Variants in TTLL11 observed in about 807,000 individuals in gnomAD.
TTLL11 encodes the protein tubulin tyrosine ligase like 11.
In TTLL11, 42 loss-of-function variants were observed where a neutral mutation model predicts 51.7. The ratio of observed to expected loss-of-function variants is 0.81; its 90% CI spans 0.64 to 1.05. TTLL11 has a LOEUF of 1.05. TTLL11 is among the 50% of genes least tolerant of loss of function. TTLL11 has a pLI of 0.00. For synonymous variants in TTLL11, 381 were observed against 383.5 expected, an observed-to-expected ratio of 0.99 and a Z score of 0.08; for missense variants, 799 against 940.4, an observed-to-expected ratio of 0.85 and a Z score of 1.97.
At chr9:121,942,738 A>ATTTT (rs34352222) in intron 6 of TTLL11, among the ~76,000 whole-genome samples, 20 of 97,874 alleles carry the variant, frequency 2.0e-4, no homozygotes, top group South Asian at 3.6e-4. Context: ...AATCTGTCTT[A>ATTTT]TTTTTTTTTT....
intron 6 of TTLL11, among the ~76,000 whole-genome samples, chr9:121,956,419 T>C (rs564934524): frequency 3.9e-5 from 6 of 152,388 alleles, no homozygotes; most frequent in Admixed American, 1.3e-4. Context: ...ATTTAAAAAG[T>C]GGCTCTGTTT....
At chr9:122,047,171 A>G (rs1295778919) in intron 1 of TTLL11, among the ~76,000 whole-genome samples, 2 of 152,200 alleles carry the variant, frequency 1.3e-5, no homozygotes, top group Non-Finnish European at 2.9e-5. Context: ...AGAAGTTTCC[A>G]GCATATGCCT....
Position 121,978,449 on chromosome 9 carries a change from CTTTATTTATTTATTTA to C in TTLL11, c.1270-3486_1270-3471del, listed in dbSNP as rs143223546. 3.7e-3 allele frequency among the ~76,000 whole-genome samples: 554 copies of C among 148,346 alleles called. 1 individual carries two copies. The highest frequency in any genetic ancestry group is 6.6e-3 in the South Asian group (30 of 4,518). Reference sequence around the variant, plus strand: ...TAAACTGGGGTTCCCAAGGAAAAAGCTTTATTTATTTATTTATTTATTTATTTATTTATTTATTTAT... The same window carrying C: ...TAAACTGGGGTTCCCAAGGAAAAAGCTTTATTTATTTATTTATTTATTTAT... On this transcript the variant is annotated intron_variant, in intron 4 of 8. Coordinates refer to ENST00000321582, the MANE Select transcript of TTLL11 (RefSeq NM_001139442.2).
At chr9:122,032,782 T>G (rs1234405898) in intron 2 of TTLL11, among the ~76,000 whole-genome samples, 1 of 151,272 alleles carries the variant, frequency 6.6e-6, no homozygotes, top group Non-Finnish European at 1.5e-5. Flanking sequence ...TTTTAGCATG[T>G]TTATTTCATT....
At chr9:121,874,501 G>T (rs1838490419) in intron 6 of TTLL11, among the ~76,000 whole-genome samples, 1 of 152,104 alleles carries the variant, frequency 6.6e-6, no homozygotes, top group Non-Finnish European at 1.5e-5. Context: ...TTAACATTTT[G>T]ATTTCTTATC....
rs1843228262 is a variant in TTLL11 at position 121,995,529 on chromosome 9, A to G, written c.694-5759T>C. On this transcript the variant is annotated intron_variant, in intron 3 of 8. Coordinates refer to ENST00000321582, the MANE Select transcript of TTLL11 (RefSeq NM_001139442.2). This position sits in a 1 kb window ranked among gnomAD's most constrained non-coding sequence, Gnocchi z 4.4. Reference sequence around the variant, plus strand: ...AGAGGAAAGGGTCATGGGTGAGCTCACGGTTTGGGACTTCAGCAATTTTGG... The same window carrying G: ...AGAGGAAAGGGTCATGGGTGAGCTCGCGGTTTGGGACTTCAGCAATTTTGG... 6.6e-6 allele frequency among the ~76,000 whole-genome samples: 1 copy of G among 152,152 alleles called. No individual in the cohort carries two copies. The highest frequency in any genetic ancestry group is 1.5e-5 in the Non-Finnish European group (1 of 68,018).
At chr9:121,991,763 T>C (rs1843121291) in intron 3 of TTLL11, among the ~76,000 whole-genome samples, 1 of 152,172 alleles carries the variant, frequency 6.6e-6, no homozygotes, top group African/African-American at 2.4e-5. Flanking sequence ...GCCATACAAA[T>C]CAAGATTATT....
intron 1 of TTLL11, among the ~76,000 whole-genome samples, chr9:122,062,734 G>T (rs1845470358): frequency 6.6e-6 from 1 of 151,738 alleles, no homozygotes; most frequent in Non-Finnish European, 1.5e-5. Flanking sequence ...CTCCCAAAGT[G>T]CTGGGATTAC....
intron 1 of TTLL11, among the ~76,000 whole-genome samples, chr9:122,048,597 C>T (rs1308458980): frequency 6.6e-6 from 1 of 152,248 alleles, no homozygotes. Context: ...TTCACAGACT[C>T]CCCTCTGCCA....
At position 122,072,464 on chromosome 9, in the gene TTLL11, T is replaced by C. The variant is rs536300627; in HGVS notation, c.462+20223A>G. On this transcript the variant is annotated intron_variant, in intron 1 of 8. Transcript: ENST00000321582. ...TTCGAGACCAGCCTGGTCAACATGG[T>C]GAAACCTCGTCTCTACTAAAAATAC... Among the ~76,000 whole-genome samples, 9 of 152,086 alleles carry C rather than the reference T, an allele frequency of 5.9e-5. No individual in the cohort carries two copies. In the East Asian group the frequency reaches 1.7e-3, roughly 29 times the overall value.
chr9:121,929,809 C>A (rs959228783), intron 6 of TTLL11, among the ~76,000 whole-genome samples: 2 of 152,210 alleles, frequency 1.3e-5, no homozygotes, highest in African/African-American at 4.8e-5. Flanking sequence ...CCCAGACAGG[C>A]CACTTTGCTC....
chr9:122,000,769 T>C (rs1189547118), intron 3 of TTLL11, among the ~76,000 whole-genome samples: 1 of 152,204 alleles, frequency 6.6e-6, no homozygotes, highest in Non-Finnish European at 1.5e-5. Flanking sequence ...GCCATTCTTT[T>C]ATTTGTCTAC....
intron 6 of TTLL11, among the ~76,000 whole-genome samples, chr9:121,961,774 G>A (rs974259912): frequency 2.6e-5 from 4 of 152,204 alleles, no homozygotes; most frequent in Admixed American, 6.5e-5. Context: ...GAGAAAAATA[G>A]GCCAGGTGCC....
At chr9:121,896,545 G>T (rs1305467330) in intron 6 of TTLL11, among the ~76,000 whole-genome samples, 1 of 152,164 alleles carries the variant, frequency 6.6e-6, no homozygotes, top group Non-Finnish European at 1.5e-5. Flanking sequence ...CTGGAAATCG[G>T]GACATGATTC....
At chr9:121,916,985 A>G (rs1840348069) in intron 6 of TTLL11, among the ~76,000 whole-genome samples, 1 of 152,144 alleles carries the variant, frequency 6.6e-6, no homozygotes, top group South Asian at 2.1e-4. Flanking sequence ...TTAGGTAGCC[A>G]TGCTCTTCCT....
chr9:122,040,767 G>A (rs1281498200), intron 1 of TTLL11, among the ~76,000 whole-genome samples: 1 of 152,160 alleles, frequency 6.6e-6, no homozygotes, highest in East Asian at 1.9e-4. Flanking sequence ...TTTCAAAGCT[G>A]TGCACAATGA....
chr9:122,038,135 T>C (rs895558166), intron 2 of TTLL11, among the ~76,000 whole-genome samples: 1 of 151,950 alleles, frequency 6.6e-6, no homozygotes, highest in Non-Finnish European at 1.5e-5. Flanking sequence ...TATAGAAATA[T>C]TCATATTGCT....
In TTLL11 at chr9:121,986,730, T is replaced by C. The variant is rs1842952094; in HGVS notation, c.1269+2465A>G. On this transcript the variant is annotated intron_variant, in intron 4 of 8. Transcript: ENST00000321582. ...GGCGCCTAGCCCCTGGGGTGTCCTC[T>C]CTGGGTTTGAGGCTGCACTTTGGGA... Among the ~76,000 whole-genome samples, 2 of 152,020 alleles carry C rather than the reference T, an allele frequency of 1.3e-5. 1 individual carries two copies. The highest frequency in any genetic ancestry group is 4.8e-5 in the African/African-American group (2 of 41,404).
intron 2 of TTLL11, among the ~76,000 whole-genome samples, chr9:122,038,204 T>C (rs1844754413): frequency 6.6e-6 from 1 of 152,232 alleles, no homozygotes; most frequent in African/African-American, 2.4e-5. Context: ...GTATTTATTA[T>C]GGCATTATAA....
Sources: gnomAD v4.1 joint callset for allele counts (sites outside exome capture counted in the v4.1 genomes callset) on GRCh38, gnomAD v4.1.1 for gene constraint, Gnocchi (gnomAD v3.1) non-coding constraint, MANE v1.5 for transcripts, NCBI Gene and HGNC (gene_info 2026-07-23, HGNC 2026-07-21) for gene names.